The following ATP10A variants were observed in gnomAD, a reference collection of about 807,000 sequenced individuals.
ATP10A encodes phospholipid-transporting ATPase VA.
In ATP10A, 111 loss-of-function variants were observed where a neutral mutation model predicts 147.8. The ratio of observed to expected loss-of-function variants is 0.75; its 90% CI spans 0.64 to 0.88. The LOEUF (loss-of-function observed/expected upper bound fraction) is 0.88, where lower values mean the gene tolerates loss of function less well. Among genes scored for constraint, ATP10A ranks in the 40% least tolerant of loss-of-function variants. The pLI is 0.00. For synonymous variants in ATP10A, 875 were observed against 841.6 expected (o/e 1.04, Z -0.69); for missense variants, 1,927 against 1,959.0 (o/e 0.98, Z 0.31).
downstream of ATP10A, among the ~76,000 whole-genome samples, chr15:25,673,919 C>T (rs1027307168): frequency 6.6e-6 from 1 of 152,174 alleles, no homozygotes; most frequent in Non-Finnish European, 1.5e-5. Flanking sequence ...AGGGAGACAG[C>T]TGTGAGTGTG....
chr15:25,836,422 G>A (rs1892598289), intron 1 of ATP10A, among the ~76,000 whole-genome samples: 1 of 152,172 alleles, frequency 6.6e-6, no homozygotes, highest in Admixed American at 6.6e-5. Flanking sequence ...CTTGGCAAGA[G>A]AAACACACCC....
chr15:25,776,841 G>A lies in ATP10A; in HGVS notation c.654+4178C>T, dbSNP rs1235307803. 2.6e-5 allele frequency among the ~76,000 whole-genome samples: 4 copies of A among 152,042 alleles called. No individual in the cohort carries two copies. The East Asian group carries it at 5.8e-4, about 22-fold the overall frequency. ...TTCCGCCTCTGGGGCACCATCTGACGGACGTCATTCCCTGTAGTGCCTGGC... is the reference window on the plus strand; with the variant it reads ...TTCCGCCTCTGGGGCACCATCTGACAGACGTCATTCCCTGTAGTGCCTGGC... On this transcript the variant is annotated intron_variant, in intron 2 of 20. Coordinates refer to ENST00000555815, the MANE Select transcript of ATP10A (RefSeq NM_024490.4).
intron 2 of ATP10A, 50 bp downstream of exon 2, chr15:25,780,969 C>T (rs371883108): frequency 6.7e-5 from 106 of 1,578,576 alleles, no homozygotes; most frequent in Non-Finnish European, 9.1e-5. Context: ...GTCATGGGGA[C>T]ACTGTGTGGC....
intron 1 of ATP10A, among the ~76,000 whole-genome samples, chr15:25,848,515 C>T (rs186552295): frequency 5.9e-5 from 9 of 152,148 alleles, no homozygotes; most frequent in Admixed American, 4.6e-4. Flanking sequence ...TGGGTCAAAA[C>T]GATGGTTTCG....
chr15:25,750,497 T>C (rs919129815), intron 2 of ATP10A, among the ~76,000 whole-genome samples: 1 of 152,082 alleles, frequency 6.6e-6, no homozygotes, highest in Non-Finnish European at 1.5e-5. Flanking sequence ...GAAATTTGGA[T>C]CTACACAAAA....
intron 1 of ATP10A, among the ~76,000 whole-genome samples, chr15:25,831,364 C>T (rs1035590870): frequency 1.6e-4 from 25 of 152,244 alleles, no homozygotes; most frequent in Non-Finnish European, 8.8e-5. Flanking sequence ...GACAGTTAAT[C>T]TCCTTGACAA....
At chr15:25,686,102 G>C (rs1899699168) in intron 16 of ATP10A, among the ~76,000 whole-genome samples, 1 of 152,150 alleles carries the variant, frequency 6.6e-6, no homozygotes. Flanking sequence ...AGCCTAATCT[G>C]AATTAATGTC....
chr15:25,767,958 G>A (rs558444329), intron 2 of ATP10A, among the ~76,000 whole-genome samples: 1 of 152,342 alleles, frequency 6.6e-6, no homozygotes, highest in South Asian at 2.1e-4. Context: ...CCCTGACCTG[G>A]GAGACACTGG....
chr15:25,680,983 G>T lies in ATP10A; in HGVS notation c.3573+11C>A. 6.2e-7 allele frequency: 1 copy of T among 1,614,048 alleles called. No individual in the cohort carries two copies. ...GCTGGTAAGAAAAACTGCACCCAGG[G>T]GCCAACTTACCAGGTAAGGAATGGA... On this transcript the variant is annotated intron_variant, in intron 18 of 20. Transcript: ENST00000555815.
intron 1 of ATP10A, among the ~76,000 whole-genome samples, chr15:25,802,153 C>T (rs146601285): frequency 2.2e-3 from 328 of 152,308 alleles, no homozygotes; most frequent in African/African-American, 7.0e-3. Flanking sequence ...TCCGTCTGGA[C>T]GCTTTTCTTC....
chr15:25,838,789 G>A (rs1353409990), intron 1 of ATP10A, among the ~76,000 whole-genome samples: 3 of 152,212 alleles, frequency 2.0e-5, no homozygotes, highest in African/African-American at 7.2e-5. Context: ...GGGAAAGGAC[G>A]GGCTTTACTC....
chr15:25,730,561 C>T (rs554405497), intron 3 of ATP10A, among the ~76,000 whole-genome samples: 1 of 152,206 alleles, frequency 6.6e-6, no homozygotes, highest in South Asian at 2.1e-4. Flanking sequence ...TCCCCTACAC[C>T]CACCCACTCC....
chr15:25,862,227 T>A (rs1055685466), intron 1 of ATP10A: 1 of 466,546 alleles, frequency 2.1e-6, no homozygotes, highest in African/African-American at 2.0e-5. Flanking sequence ...AGCTTTACTG[T>A]CCTGTGCCGG....
chr15:25,841,506 T>G (rs1221541625), intron 1 of ATP10A: 2 of 151,962 alleles, frequency 1.3e-5, no homozygotes, highest in Non-Finnish European at 2.9e-5. Context: ...TGCTTCCACT[T>G]TATTATTCTT....
chr15:25,697,227 C>A (rs555882759), intron 13 of ATP10A, among the ~76,000 whole-genome samples: 8 of 152,168 alleles, frequency 5.3e-5, no homozygotes, highest in Non-Finnish European at 1.2e-4. Context: ...GGCAAAAATG[C>A]AAGACTAGGT....
chr15:25,777,093 G>A (rs375709920), intron 2 of ATP10A, among the ~76,000 whole-genome samples: 2 of 115,794 alleles, frequency 1.7e-5, no homozygotes, highest in Admixed American at 1.8e-4. Context: ...GTGTGCATAC[G>A]TGCGTGTGTG....
In ATP10A at chr15:25,858,261, G is replaced by A. The variant is rs138566783; in HGVS notation, c.449+4387C>T. ...TCCTGGGTCTTGTCCTGGTGTCTCT[G>A]CTTTTGCAAACCTTTTACCCAAATG... On this transcript the variant is annotated intron_variant, in intron 1 of 20. Coordinates refer to ENST00000555815, the MANE Select transcript of ATP10A (RefSeq NM_024490.4). Among the ~76,000 whole-genome samples, 12 of 152,292 alleles carry A rather than the reference G, an allele frequency of 7.9e-5. No individual in the cohort carries two copies. In the East Asian group the frequency reaches 2.1e-3, roughly 27 times the overall value.
intron 14 of ATP10A, among the ~76,000 whole-genome samples, chr15:25,692,623 T>G (rs998867956): frequency 2.0e-5 from 3 of 152,234 alleles, no homozygotes; most frequent in African/African-American, 7.2e-5. Context: ...TCAGTTAATA[T>G]ATATCAAATT....
intron 12 of ATP10A, among the ~76,000 whole-genome samples, chr15:25,707,371 A>C (rs966718913): frequency 2.0e-5 from 3 of 152,198 alleles, no homozygotes; most frequent in African/African-American, 7.2e-5. Flanking sequence ...CAGCTCTTCA[A>C]GGACACACAG....
Sources: gnomAD v4.1 joint callset for allele counts (sites outside exome capture counted in the v4.1 genomes callset) on GRCh38, gnomAD v4.1.1 for gene constraint, MANE v1.5 for transcripts, NCBI Gene and HGNC (gene_info 2026-07-23, HGNC 2026-07-21) for gene names.